Variants in ZNF710 observed in about 807,000 individuals in gnomAD.
ZNF710 encodes the protein zinc finger protein 710.
In ZNF710, 13 loss-of-function variants were observed where a neutral mutation model predicts 50.6. The ratio of observed to expected loss-of-function variants is 0.26; its 90% CI spans 0.17 to 0.41. The LOEUF (loss-of-function observed/expected upper bound fraction) is 0.41, where lower values mean the gene tolerates loss of function less well. ZNF710 is among the 10% of genes least tolerant of loss of function. The pLI, the probability that ZNF710 is intolerant of heterozygous loss-of-function variation, is 1.00. For missense variants in ZNF710, 721 were observed against 936.6 expected (o/e 0.77, Z 3.01); for synonymous variants, 383 against 397.0 (o/e 0.96, Z 0.42).
intron 1 of ZNF710, among the ~76,000 whole-genome samples, chr15:90,014,215 C>T (rs552855034): frequency 6.6e-6 from 1 of 152,084 alleles, no homozygotes; most frequent in African/African-American, 2.4e-5. Flanking sequence ...CACTGACATC[C>T]GATGCAGCTG....
intron 1 of ZNF710, among the ~76,000 whole-genome samples, chr15:90,044,870 C>T (rs1262751730): frequency 6.6e-6 from 1 of 152,108 alleles, no homozygotes; most frequent in African/African-American, 2.4e-5. Flanking sequence ...GGCCACCAGT[C>T]ACTGTGGTCT....
chr15:90,058,838 A>G (rs1899915710), intron 1 of ZNF710, among the ~76,000 whole-genome samples: 1 of 152,044 alleles, frequency 6.6e-6, no homozygotes, highest in Non-Finnish European at 1.5e-5. Context: ...AAACTCAGCA[A>G]GATTCATAAG....
Position 90,067,335 on chromosome 15 carries a change from C to G in ZNF710, c.198C>G (p.Val66=), listed in dbSNP as rs1900204547. Residue 66 remains valine (V), a synonymous_variant, in exon 2 of 5, where the codon GTC becomes GTG. Coordinates refer to ENST00000268154, the MANE Select transcript of ZNF710 (RefSeq NM_198526.4). This position sits in a 1 kb window ranked among gnomAD's most constrained non-coding sequence, Gnocchi z 8.1. ...AGCCCGAGCCACCAGGCCCCGACGT[C>G]TACCAGCTGGCCTGCAACGGGAGGG... ...MGEPEPPGPD[V]YQLACNGRAL... The G allele has an allele frequency of 6.2e-7, 1 of 1,603,250 alleles. No individual in the cohort carries two copies. Among genetic ancestry groups the G allele is most frequent in the African/African-American group, 1.3e-5 (1 of 74,856 alleles).
intron 3 of ZNF710, among the ~76,000 whole-genome samples, 197 bp downstream of exon 3, chr15:90,073,459 G>A (rs1220938975): frequency 3.3e-5 from 5 of 152,200 alleles, no homozygotes; most frequent in African/African-American, 1.2e-4. Flanking sequence ...TGCTGAAGTT[G>A]GGTTTTTCTG....
rs1900040037 is a variant in ZNF710, at chr15:90,062,430, T to C, written c.-28-4680T>C. Among the ~76,000 whole-genome samples, 1 of 152,062 alleles carries C rather than the reference T, an allele frequency of 6.6e-6. No individual in the cohort carries two copies. Among genetic ancestry groups the C allele is most frequent in the South Asian group, 2.1e-4 (1 of 4,824 alleles). On this transcript the variant is annotated intron_variant, in intron 1 of 4. Coordinates refer to ENST00000268154, the MANE Select transcript of ZNF710 (RefSeq NM_198526.4). This position sits in a 1 kb window ranked among gnomAD's most constrained non-coding sequence, Gnocchi z 5.6. ...CTGGGGCAGTCTGAGCTCCCCTTTC[T>C]CCTGGACATGGGGGGAGCTTTTGTT... is the stretch of plus-strand genomic sequence containing the variant.
At chr15:90,026,791 A>G (rs997378242) in intron 1 of ZNF710, among the ~76,000 whole-genome samples, 11 of 152,234 alleles carry the variant, frequency 7.2e-5, no homozygotes, top group African/African-American at 2.2e-4. Context: ...TGTTTCCAAT[A>G]TGTGCTGGGG....
At chr15:90,016,287 G>T (rs1294456302) in intron 1 of ZNF710, among the ~76,000 whole-genome samples, 2 of 152,098 alleles carry the variant, frequency 1.3e-5, no homozygotes, top group Admixed American at 6.6e-5. Context: ...CTGGTGCAAG[G>T]TTATCATTTT....
At chr15:90,009,579 C>G (rs1209838317) in intron 1 of ZNF710, among the ~76,000 whole-genome samples, 2 of 152,060 alleles carry the variant, frequency 1.3e-5, no homozygotes, top group East Asian at 3.9e-4. Context: ...CCCATGTGCC[C>G]ACCATCAGCC....
intron 1 of ZNF710, among the ~76,000 whole-genome samples, chr15:90,056,409 C>T (rs1418093234): frequency 3.3e-5 from 5 of 151,808 alleles, no homozygotes; most frequent in Admixed American, 1.3e-4. Context: ...AGCGAAACTC[C>T]GTCTCAAAAA....
chr15:90,010,625 T>TA (rs1898272813), intron 1 of ZNF710, among the ~76,000 whole-genome samples: 1 of 152,106 alleles, frequency 6.6e-6, no homozygotes, highest in Admixed American at 6.6e-5. Flanking sequence ...TCTACCATCG[T>TA]ATTTGGTGTT....
At position 90,067,321 on chromosome 15, in the gene ZNF710, C is replaced by A. The variant is rs1436455608; in HGVS notation, c.184C>A (p.Pro62Thr). 6 of 1,606,962 alleles carry A rather than the reference C, an allele frequency of 3.7e-6. No homozygotes were observed. The highest frequency in any genetic ancestry group is 5.1e-6 in the Non-Finnish European group (6 of 1,176,812). Residue 62 changes from proline (P) to threonine (T), a missense_variant, in exon 2 of 5, where the codon CCA (proline) becomes ACA (threonine). Physicochemically the swap from Pro to Thr is conservative, Grantham distance 38 (BLOSUM62 -1). This residue lies in a region of ZNF710 where 326 missense variants were observed against 347.1 expected (regional missense o/e 0.94). Transcript: ENST00000268154. This position sits in a 1 kb window ranked among gnomAD's most constrained non-coding sequence, Gnocchi z 8.1. Reference sequence around the variant, plus strand: ...GGCAGCCATGGGAGAGCCCGAGCCACCAGGCCCCGACGTCTACCAGCTGGC... The same window carrying A: ...GGCAGCCATGGGAGAGCCCGAGCCAACAGGCCCCGACGTCTACCAGCTGGC... ...SGAAMGEPEP[P>T]GPDVYQLACN...
At chr15:90,078,211 C>CA (rs35832666) in intron 4 of ZNF710, among the ~76,000 whole-genome samples, 5,891 of 116,168 alleles carry the variant, frequency 0.051, 271 homozygotes, top group African/African-American at 0.13. Context: ...AACTCGGTCT[C>CA]AAAAAAAAAA....
At chr15:90,070,479 C>T (rs1308261361) in intron 2 of ZNF710, among the ~76,000 whole-genome samples, 1 of 151,090 alleles carries the variant, frequency 6.6e-6, no homozygotes, top group African/African-American at 2.4e-5. Context: ...TGAGACCAGC[C>T]TGGCTAACAT....
rs956101988 is a variant in ZNF710 at position 90,079,655 on chromosome 15, T to C, written c.1826-5T>C. On this transcript the variant is annotated splice_polypyrimidine_tract_variant and splice_region_variant and intron_variant, in intron 4 of 4. Transcript: ENST00000268154. ...GCCAGGTCTGACTGTGCCCCTCTCT[T>C]ACAGACCCCATGATGGAGCTGACAG... 5.0e-6 allele frequency: 8 copies of C among 1,612,116 alleles called. No individual in the cohort carries two copies. Among genetic ancestry groups the C allele is most frequent in the Non-Finnish European group, 6.8e-6 (8 of 1,179,230 alleles).
At chr15:90,039,672 A>G (rs1899239394) in intron 1 of ZNF710, among the ~76,000 whole-genome samples, 1 of 152,082 alleles carries the variant, frequency 6.6e-6, no homozygotes, top group African/African-American at 2.4e-5. Flanking sequence ...CCCACCCCTA[A>G]TGGCCATAAA....
chr15:90,026,948 AAACCAGTAAC>A (rs1325579723), intron 1 of ZNF710, among the ~76,000 whole-genome samples: 4 of 152,238 alleles, frequency 2.6e-5, no homozygotes, highest in Admixed American at 2.6e-4. Context: ...ATTCTTGTGG[AAACCAGTAAC>A]AAAATAAGGA....
chr15:90,003,065 G>A (rs1265962755), intron 1 of ZNF710, among the ~76,000 whole-genome samples: 5 of 152,136 alleles, frequency 3.3e-5, no homozygotes, highest in African/African-American at 1.2e-4. Context: ...TAGGAGAGAC[G>A]GGGTTTCACC....
At chr15:90,002,251 C>T (rs1596257903) in intron 1 of ZNF710, among the ~76,000 whole-genome samples, 1 of 151,848 alleles carries the variant, frequency 6.6e-6, no homozygotes, top group African/African-American at 2.4e-5. Context: ...GCTGAGCGCG[C>T]CGCTGGCGGG....
chr15:90,047,731 GCAC>G (rs752155139), intron 1 of ZNF710, among the ~76,000 whole-genome samples: 10 of 151,802 alleles, frequency 6.6e-5, no homozygotes, highest in African/African-American at 2.4e-4. Flanking sequence ...CTACAGGCAT[GCAC>G]CACCGCACCG....
Sources: allele counts gnomAD v4.1 joint callset (sites outside exome capture counted in the v4.1 genomes callset), GRCh38; gene constraint gnomAD v4.1.1; regional missense constraint gnomAD v4.1.1; non-coding constraint Gnocchi (gnomAD v3.1); transcripts MANE v1.5; gene names NCBI Gene and HGNC (gene_info 2026-07-23, HGNC 2026-07-21).